The following MIEF1 variants were observed in gnomAD, a reference collection of about 807,000 sequenced individuals.
The protein encoded by MIEF1 is mitochondrial dynamics protein MIEF1.
In MIEF1, 14 loss-of-function variants were observed where a neutral mutation model predicts 35.1. The observed-to-expected ratio is 0.40, with a 90% CI of 0.26 to 0.62. The LOEUF (loss-of-function observed/expected upper bound fraction) is 0.62, where lower values mean the gene tolerates loss of function less well. Among genes scored for constraint, MIEF1 ranks in the 20% least tolerant of loss-of-function variants. The pLI, the probability that MIEF1 is intolerant of heterozygous loss-of-function variation, is 0.43. For synonymous variants in MIEF1, 245 were observed against 254.3 expected (o/e 0.96, Z 0.35); for missense variants, 542 against 615.4 (o/e 0.88, Z 1.26).
At position 39,517,347 on chromosome 22, in the gene MIEF1, T is replaced by A. The variant is rs144248842; in HGVS notation, c.*3024T>A. ...CAGTATTTTTCTTTACATGCTTGGT[T>A]ATGACTTTTAAAGTTTTATTTAAAT... On this transcript the variant is annotated 3_prime_UTR_variant, in exon 6 of 6. Transcript: ENST00000325301. 9.1e-5 allele frequency: 24 copies of A among 262,670 alleles called. No individual in the cohort carries two copies. In the Admixed American group the frequency reaches 1.2e-3, roughly 13 times the overall value. The allele number at this position is 262,670 out of a possible 1,614,324, so 16.3% of individuals were successfully genotyped here. A position where few individuals can be genotyped will look rare whatever the true frequency, so the allele number is the denominator to read the frequency against.
chr22:39,511,002 T>C (rs533763510), intron 2 of MIEF1, among the ~76,000 whole-genome samples: 1 of 152,342 alleles, frequency 6.6e-6, no homozygotes, highest in South Asian at 2.1e-4. Flanking sequence ...GGGTACTTCA[T>C]TGTAATACAA....
chr22:39,512,317 G>T lies in MIEF1; in HGVS notation c.408G>T (p.Gln136His). The T allele has an allele frequency of 6.2e-7, 1 of 1,614,250 alleles. No homozygotes were observed. The highest frequency in any genetic ancestry group is 8.5e-7 in the Non-Finnish European group (1 of 1,180,060). The change falls in exon 5 of 6, where the codon CAG (glutamine) becomes CAT (histidine). Residue 136 changes from glutamine (Q) to histidine (H), a missense_variant. Coordinates refer to ENST00000325301, the MANE Select transcript of MIEF1 (RefSeq NM_019008.6). ...AGTCACGACTCCGCATGTCCCTGCAGGAGAAACTTCTTACTTACTACCGGA... is the reference window on the plus strand; with the variant it reads ...AGTCACGACTCCGCATGTCCCTGCATGAGAAACTTCTTACTTACTACCGGA... ...LKKSRLRMSL[Q>H]EKLLTYYRNR...
rs1472803619 is a variant in MIEF1 at position 39,511,416 on chromosome 22, T to C, written c.122T>C (p.Ile41Thr). 1.3e-6 allele frequency: 2 copies of C among 1,590,888 alleles called. No individual in the cohort carries two copies. Among genetic ancestry groups the C allele is most frequent in the African/African-American group, 2.7e-5 (2 of 74,626 alleles). The change falls in exon 3 of 6, where the codon ATC becomes ACC. Residue 41 changes from isoleucine to threonine, a missense_variant. By Grantham distance (89) the Ile-to-Thr change is moderately conservative. Coordinates refer to ENST00000325301, the MANE Select transcript of MIEF1 (RefSeq NM_019008.6). ...LGVGGAAMLG[I>T]ATLAVKRMYD... ...GTGGGTGGAGCGGCCATGCTGGGCATCGCCACGCTGGCAGTTAAGCGGGTA... is the reference window on the plus strand; with the variant it reads ...GTGGGTGGAGCGGCCATGCTGGGCACCGCCACGCTGGCAGTTAAGCGGGTA...
At chr22:39,511,465 G>A (rs1294907731) in intron 3 of MIEF1, 27 bp downstream of exon 3, 1 of 1,525,124 alleles carries the variant, frequency 6.6e-7, no homozygotes, top group East Asian at 2.4e-5. Context: ...AGGGCTGGGG[G>A]TGGAATGTAG....
At chr22:39,504,012 A>G (rs2145740732) in intron 1 of MIEF1, 191 bp from the exon 2 acceptor site, 2 of 382,420 alleles carry the variant, frequency 5.2e-6, no homozygotes, top group Non-Finnish European at 9.2e-6. Context: ...CTGGTGAACC[A>G]CAACCTGTAT....
intron 5 of MIEF1, 67 bp from the exon 6 acceptor site, chr22:39,513,450 G>T (rs1321658644): frequency 6.7e-7 from 1 of 1,486,756 alleles, no homozygotes; most frequent in Non-Finnish European, 9.2e-7. Context: ...GGTGGGAACC[G>T]TCTTAGAGGA....
rs73420241 is a variant in MIEF1, at chr22:39,514,684, A to G, written c.*361A>G. 3.6e-3 allele frequency: 1,065 copies of G among 295,490 alleles called. 13 individuals carry two copies. The highest frequency in any genetic ancestry group is 0.02 in the African/African-American group (923 of 46,572). The allele number at this position is 295,490 out of a possible 1,614,324, so 18.3% of individuals were successfully genotyped here. A position where few individuals can be genotyped will look rare whatever the true frequency, so the allele number is the denominator to read the frequency against. ...CTGCCTTGCCCGTTTGCCTGTTCCT[A>G]TTCAGTGTCTTTTCTATTTTTTCCT... On this transcript the variant is annotated 3_prime_UTR_variant, in exon 6 of 6. Transcript: ENST00000325301.
At chr22:39,507,429 T>G (rs1930087234) in intron 2 of MIEF1, among the ~76,000 whole-genome samples, 1 of 151,762 alleles carries the variant, frequency 6.6e-6, no homozygotes, top group Non-Finnish European at 1.5e-5. Context: ...GTGTTTTTAG[T>G]AGAGACAGAG....
rs985223313 is a variant in MIEF1, at chr22:39,515,979, G to A, written c.*1656G>A. Reference sequence around the variant, plus strand: ...CTTTTGTCACAGATTAGGAAATTGAGAACTAGGGTTAACCTTGACTATATT... The same window carrying A: ...CTTTTGTCACAGATTAGGAAATTGAAAACTAGGGTTAACCTTGACTATATT... On this transcript the variant is annotated 3_prime_UTR_variant, in exon 6 of 6. Transcript: ENST00000325301. 1 of 152,550 alleles carries A rather than the reference G, an allele frequency of 6.6e-6. No individual in the cohort carries two copies. Among genetic ancestry groups the A allele is most frequent in the Non-Finnish European group, 1.5e-5 (1 of 68,214 alleles). 9.4% of individuals were successfully genotyped at this position (152,550 alleles called of 1,614,324 possible). A position where few individuals can be genotyped will look rare whatever the true frequency, so the allele number is the denominator to read the frequency against.
In MIEF1 at chr22:39,512,330, A is replaced by T. The variant is rs111676774; in HGVS notation, c.421A>T (p.Thr141Ser). 15 of 1,614,248 alleles carry T rather than the reference A, an allele frequency of 9.3e-6. No individual in the cohort carries two copies. Among genetic ancestry groups the T allele is most frequent in the South Asian group, 7.7e-5 (7 of 91,086 alleles). Residue 141 changes from threonine (T) to serine (S), a missense_variant, in exon 5 of 6, where the codon ACT (threonine) becomes TCT (serine). By Grantham distance (58) the Thr-to-Ser change is moderately conservative. Coordinates refer to ENST00000325301, the MANE Select transcript of MIEF1 (RefSeq NM_019008.6). ...CATGTCCCTGCAGGAGAAACTTCTTACTTACTACCGGAACCGGGCAGCCAT... is the reference window on the plus strand; with the variant it reads ...CATGTCCCTGCAGGAGAAACTTCTTTCTTACTACCGGAACCGGGCAGCCAT... Reference protein sequence around the residue: ...LRMSLQEKLLTYYRNRAAIPA... With the variant: ...LRMSLQEKLLSYYRNRAAIPA...
Position 39,514,669 on chromosome 22 carries a change from C to T in MIEF1, c.*346C>T, listed in dbSNP as rs956739270. 4.8e-5 allele frequency: 16 copies of T among 333,484 alleles called. No individual in the cohort carries two copies. The highest frequency in any genetic ancestry group is 8.3e-5 in the African/African-American group (4 of 47,966). 20.7% of individuals were successfully genotyped at this position (333,484 alleles called of 1,614,324 possible). A position where few individuals can be genotyped will look rare whatever the true frequency, so the allele number is the denominator to read the frequency against. ...CTGCCTCTATCTGGTCTGCCTTGCC[C>T]GTTTGCCTGTTCCTATTCAGTGTCT... On this transcript the variant is annotated 3_prime_UTR_variant, in exon 6 of 6. Transcript: ENST00000325301.
At chr22:39,501,757 G>A (rs1474175734), upstream of MIEF1, 1 of 152,404 alleles carries the variant, frequency 6.6e-6, no homozygotes, top group Non-Finnish European at 1.5e-5. Context: ...GGCGAGGAAG[G>A]GGCTGGGAGA....
rs2145738190 is a variant in MIEF1 at position 39,502,377 on chromosome 22, C to G, written c.-400C>G. 1 of 152,460 alleles carries G rather than the reference C, an allele frequency of 6.6e-6. No homozygotes were observed. The highest frequency in any genetic ancestry group is 1.5e-5 in the Non-Finnish European group (1 of 68,148). The allele number at this position is 152,460 out of a possible 1,614,324, so 9.4% of individuals were successfully genotyped here. On this transcript the variant is annotated 5_prime_UTR_variant, in exon 1 of 6. Coordinates refer to ENST00000325301, the MANE Select transcript of MIEF1 (RefSeq NM_019008.6). ...TGAAGGGGCCATGTTGATGGGTGAC[C>G]CGGGGAGAGGTACCCGGCCAGAGGC...
intron 2 of MIEF1, among the ~76,000 whole-genome samples, chr22:39,507,844 G>A (rs1930124274): frequency 6.6e-6 from 1 of 151,872 alleles, no homozygotes; most frequent in Admixed American, 6.6e-5. Context: ...CAGCCTGGGT[G>A]ACAGAGTGAT....
rs768845947 is a variant in MIEF1, at chr22:39,513,851, A to G, written c.920A>G (p.His307Arg). 54 of 1,613,854 alleles carry G rather than the reference A, an allele frequency of 3.3e-5. 1 individual carries two copies. The South Asian group carries it at 5.6e-4, about 17-fold the overall frequency. ...GAGGTGCAGTATGAGCGTGACAAACATCTCTTCATTGACTTCCTGCCATCA... is the reference window on the plus strand; with the variant it reads ...GAGGTGCAGTATGAGCGTGACAAACGTCTCTTCATTGACTTCCTGCCATCA... The part of the protein sequence containing the change: ...TLEVQYERDK[H>R]LFIDFLPSVT... The change falls in exon 6 of 6, where the codon CAT becomes CGT. Residue 307 changes from histidine (H) to arginine (R), a missense_variant. His to Arg is a conservative substitution (Grantham distance 29). Coordinates refer to ENST00000325301, the MANE Select transcript of MIEF1 (RefSeq NM_019008.6).
At chr22:39,507,282 T>C (rs1442848639) in intron 2 of MIEF1, among the ~76,000 whole-genome samples, 2 of 152,008 alleles carry the variant, frequency 1.3e-5, no homozygotes, top group Non-Finnish European at 2.9e-5. Flanking sequence ...TCTTGCTCTG[T>C]CACCCAGGCT....
In MIEF1 at chr22:39,513,906, C is replaced by A; in HGVS notation, c.975C>A (p.Ala325=). Residue 325 remains alanine, a synonymous_variant, in exon 6 of 6, where the codon GCC becomes GCA. Coordinates refer to ENST00000325301, the MANE Select transcript of MIEF1 (RefSeq NM_019008.6). ...SVTLGDTVLV[A]KPHRLAQYDN... is the part of the protein sequence containing the mutation. ...CCCTCGGTGACACAGTCTTGGTGGCCAAACCACACCGGCTAGCCCAGTATG... is the reference window on the plus strand; with the variant it reads ...CCCTCGGTGACACAGTCTTGGTGGCAAAACCACACCGGCTAGCCCAGTATG... The A allele has an allele frequency of 6.2e-7, 1 of 1,614,080 alleles. No homozygotes were observed. The highest frequency in any genetic ancestry group is 1.1e-5 in the South Asian group (1 of 91,090).
intron 1 of MIEF1, 66 bp from the exon 2 acceptor site, chr22:39,504,137 G>A: frequency 2.5e-6 from 1 of 397,986 alleles, no homozygotes; most frequent in Non-Finnish European, 4.4e-6. Flanking sequence ...CCCTCACATA[G>A]TCTCTACAGG....
At chr22:39,502,270 C>G (rs1929751527), upstream of MIEF1, 1 of 152,378 alleles carries the variant, frequency 6.6e-6, no homozygotes, top group Non-Finnish European at 1.5e-5. Context: ...TTGGAGAAGA[C>G]CGGAAGTCCC....
Sources: gnomAD v4.1 joint callset for allele counts (sites outside exome capture counted in the v4.1 genomes callset) on GRCh38, gnomAD v4.1.1 for gene constraint, MANE v1.5 for transcripts, NCBI Gene and HGNC (gene_info 2026-07-23, HGNC 2026-07-21) for gene names.